The following NLK variants were observed in gnomAD, a reference collection of about 807,000 sequenced individuals.
NLK encodes serine/threonine-protein kinase NLK.
A neutral mutation model predicts 59.0 loss-of-function variants in NLK; 11 were observed. The ratio of observed to expected loss-of-function variants is 0.19; its 90% CI spans 0.12 to 0.31. NLK has a LOEUF of 0.31. NLK is among the 10% of genes least tolerant of loss of function. The pLI is 1.00. For synonymous variants in NLK, 235 were observed against 235.9 expected, an observed-to-expected ratio of 1.00 and a Z score of 0.03; for missense variants, 410 against 661.1, an observed-to-expected ratio of 0.62 and a Z score of 4.16.
Position 28,172,553 on chromosome 17 carries a change from C to T in NLK, c.1084C>T (p.Leu362=), listed in dbSNP as rs776398708. Residue 362 remains leucine, a synonymous_variant, in exon 7 of 11, where the codon CTG becomes TTG. Transcript: ENST00000407008. Reference sequence around the variant, plus strand: ...CACGGATCTGTTGGGCACACCATCACTGGAAGCAATGAGGACAGCTTGTGA... The same window carrying T: ...CACGGATCTGTTGGGCACACCATCATTGGAAGCAATGAGGACAGCTTGTGA... ...LITDLLGTPS[L]EAMRTACEGA... is the part of the protein sequence containing the mutation. 7.5e-6 allele frequency: 12 copies of T among 1,596,252 alleles called. No individual in the cohort carries two copies. The South Asian group carries it at 1.4e-4, about 18-fold the overall frequency.
At chr17:28,158,393 G>A (rs1478127796) in intron 3 of NLK, among the ~76,000 whole-genome samples, 1 of 152,188 alleles carries the variant, frequency 6.6e-6, no homozygotes, top group African/African-American at 2.4e-5. Flanking sequence ...CTCTGGGTGT[G>A]TCAGTGAGTG....
intron 3 of NLK, among the ~76,000 whole-genome samples, chr17:28,143,100 A>G (rs1242240643): frequency 6.6e-6 from 1 of 151,276 alleles, no homozygotes; most frequent in African/African-American, 2.4e-5. Flanking sequence ...GAGAAGTACA[A>G]TGGCATGATC....
At chr17:28,170,141 G>A (rs909671248) in intron 6 of NLK, among the ~76,000 whole-genome samples, 3 of 152,162 alleles carry the variant, frequency 2.0e-5, no homozygotes, top group African/African-American at 7.2e-5. Context: ...CCTGAGGCAG[G>A]AACAAGCATG....
chr17:28,109,177 GAA>G (rs77035951), intron 1 of NLK, among the ~76,000 whole-genome samples: 3 of 112,404 alleles, frequency 2.7e-5, no homozygotes, highest in South Asian at 2.9e-4. Context: ...TCTCACAAAA[GAA>G]AAAAAAAAAA....
chr17:28,145,995 C>T (rs1051141341), intron 3 of NLK, among the ~76,000 whole-genome samples: 3 of 152,168 alleles, frequency 2.0e-5, no homozygotes, highest in Non-Finnish European at 2.9e-5. Flanking sequence ...CATGAGCCAC[C>T]GCACCCAGCC....
intron 1 of NLK, among the ~76,000 whole-genome samples, chr17:28,049,712 G>A (rs1441337695): frequency 1.3e-5 from 2 of 152,194 alleles, no homozygotes; most frequent in African/African-American, 4.8e-5. Flanking sequence ...GCCAGGCATG[G>A]TGTCTCACGC....
chr17:28,193,219 C>G (rs1353264438), intron 10 of NLK, among the ~76,000 whole-genome samples: 10 of 152,152 alleles, frequency 6.6e-5, no homozygotes, highest in Non-Finnish European at 1.5e-4. Flanking sequence ...AGCAGCCACT[C>G]CCTGTAGACT....
intron 1 of NLK, among the ~76,000 whole-genome samples, chr17:28,059,138 A>T (rs1335970940): frequency 6.6e-6 from 1 of 152,044 alleles, no homozygotes; most frequent in East Asian, 1.9e-4. Flanking sequence ...AAAAAAAAAA[A>T]TAAAGTACTA....
At chr17:28,056,298 T>C (rs771805068) in intron 1 of NLK, among the ~76,000 whole-genome samples, 6 of 152,224 alleles carry the variant, frequency 3.9e-5, no homozygotes, top group Non-Finnish European at 7.3e-5. Context: ...AGTTGGAAGA[T>C]ACTTTAGAAT....
chr17:28,190,949 C>A, intron 8 of NLK, 72 bp from the exon 9 acceptor site: 1 of 1,090,958 alleles, frequency 9.2e-7, no homozygotes, highest in Non-Finnish European at 1.3e-6. Flanking sequence ...GTTAATGTGT[C>A]TTTTGAAAGA....
chr17:28,192,203 A>G lies in NLK; in HGVS notation c.1519A>G (p.Ser507Gly). ...CINPQSAAFK[S>G]FISSTVAQPS... ...CAACCCTCAGTCTGCTGCTTTTAAG[A>G]GCTTTATTAGGTAACTATATGTATG... Residue 507 changes from serine to glycine, a missense_variant, in exon 10 of 11, where the codon AGC (serine) becomes GGC (glycine). Transcript: ENST00000407008. 6.4e-7 allele frequency: 1 copy of G among 1,571,056 alleles called. No homozygotes were observed. The highest frequency in any genetic ancestry group is 1.3e-5 in the African/African-American group (1 of 74,332).
chr17:28,183,461 T>G (rs1908994076), intron 7 of NLK, among the ~76,000 whole-genome samples: 1 of 152,150 alleles, frequency 6.6e-6, no homozygotes, highest in East Asian at 1.9e-4. Flanking sequence ...CCTGAGTAGC[T>G]GGGACTACTG....
At chr17:28,111,800 T>C (rs559510422) in intron 1 of NLK, among the ~76,000 whole-genome samples, 1 of 151,872 alleles carries the variant, frequency 6.6e-6, no homozygotes, top group Admixed American at 6.6e-5. Context: ...TCTGCATAGC[T>C]GAGTGGTTGG....
At chr17:28,202,548 T>G in the NLK span, among the ~76,000 whole-genome samples, 1 of 152,114 alleles carries the variant, frequency 6.6e-6, no homozygotes, top group African/African-American at 2.4e-5. Context: ...ATCTGTAGTT[T>G]TTTTCCTTAA....
chr17:28,167,996 A>G (rs979279864), intron 5 of NLK, among the ~76,000 whole-genome samples: 2 of 152,036 alleles, frequency 1.3e-5, no homozygotes, highest in Admixed American at 1.3e-4. Context: ...CAGATTGTAT[A>G]TTGACATAAA....
downstream of NLK, among the ~76,000 whole-genome samples, chr17:28,200,604 C>G (rs1162805835): frequency 6.6e-6 from 1 of 152,228 alleles, no homozygotes; most frequent in Non-Finnish European, 1.5e-5. Flanking sequence ...CTGCCTCAGC[C>G]TCCCAAGTAG....
chr17:28,059,162 C>T (rs778095113), intron 1 of NLK, among the ~76,000 whole-genome samples: 2 of 151,804 alleles, frequency 1.3e-5, no homozygotes, highest in Non-Finnish European at 2.9e-5. Context: ...TTGGTTCTTG[C>T]CATTATGTAT....
intron 7 of NLK, among the ~76,000 whole-genome samples, chr17:28,184,189 T>G (rs990757257): frequency 3.1e-4 from 47 of 152,202 alleles, no homozygotes; most frequent in African/African-American, 9.4e-4. Context: ...AAACCAATGG[T>G]GTACTTTCTT....
At chr17:28,078,087 A>G (rs950408317) in intron 1 of NLK, among the ~76,000 whole-genome samples, 4 of 152,188 alleles carry the variant, frequency 2.6e-5, no homozygotes, top group African/African-American at 2.4e-5. Flanking sequence ...TACTCATTCA[A>G]TCAGCTAAAA....
Sources: allele counts gnomAD v4.1 joint callset (sites outside exome capture counted in the v4.1 genomes callset), GRCh38; gene constraint gnomAD v4.1.1; transcripts MANE v1.5; gene names NCBI Gene and HGNC (gene_info 2026-07-23, HGNC 2026-07-21).